The following NDST4 variants were observed in gnomAD, a reference collection of about 807,000 sequenced individuals.
The protein encoded by NDST4 is N-heparan sulfate sulfotransferase 4.
A neutral mutation model predicts 100.8 loss-of-function variants in NDST4; 63 were observed. The observed-to-expected ratio is 0.62, with a 90% confidence interval of 0.51 to 0.77. The LOEUF is 0.77. Among genes scored for constraint, NDST4 ranks in the 30% least tolerant of loss-of-function variants. The probability of loss-of-function intolerance (pLI) is 0.00; values close to 1 mark genes in which losing one functional copy is unlikely to be tolerated. For missense variants in NDST4, 943 were observed against 1,018.4 expected (o/e 0.93, Z 1.01); for synonymous variants, 377 against 361.8 (o/e 1.04, Z -0.48).
intron 4 of NDST4, among the ~76,000 whole-genome samples, chr4:114,940,017 A>T (rs1305615722): frequency 6.6e-6 from 1 of 152,228 alleles, no homozygotes; most frequent in African/African-American, 2.4e-5. Context: ...CTAGAAAATC[A>T]ACCAAGCATC....
intron 4 of NDST4, among the ~76,000 whole-genome samples, chr4:114,939,766 TGGGGGCCCA>T (rs1486826725): frequency 6.6e-6 from 1 of 152,114 alleles, no homozygotes; most frequent in Non-Finnish European, 1.5e-5. Context: ...TATTGATTTC[TGGGGGCCCA>T]GTGTTATACT....
At chr4:114,969,857 C>T (rs947309186) in intron 4 of NDST4, among the ~76,000 whole-genome samples, 3 of 152,130 alleles carry the variant, frequency 2.0e-5, no homozygotes, top group Non-Finnish European at 4.4e-5. Flanking sequence ...TCAAATGGTA[C>T]TTCTGTTTTA....
chr4:115,099,166 CTA>C (rs1327778071), intron 1 of NDST4, among the ~76,000 whole-genome samples: 1 of 152,112 alleles, frequency 6.6e-6, no homozygotes. Flanking sequence ...GAATTTTAGA[CTA>C]TTTGTAGATA....
At chr4:115,102,216 C>G (rs1052507151) in intron 1 of NDST4, among the ~76,000 whole-genome samples, 1 of 152,046 alleles carries the variant, frequency 6.6e-6, no homozygotes, top group African/African-American at 2.4e-5. Flanking sequence ...CCTCAGAAGA[C>G]AATCATGGAA....
chr4:115,076,830 T>C lies in NDST4; in HGVS notation c.207A>G (p.Lys69=), dbSNP rs767958129. 1 of 1,613,824 alleles carries C rather than the reference T, an allele frequency of 6.2e-7. No homozygotes were observed. Among genetic ancestry groups the C allele is most frequent in the Non-Finnish European group, 8.5e-7 (1 of 1,179,892 alleles). Residue 69 remains lysine, a synonymous_variant, in exon 2 of 14, where the codon AAA becomes AAG. Coordinates refer to ENST00000264363, the MANE Select transcript of NDST4 (RefSeq NM_022569.3). ...GGTCCGTTTTGGATGTGTCAATAGG[T>C]TTAACTGTTTTCAGCTCCATTGACC... is the stretch of plus-strand genomic sequence containing the variant. ...PYRSMELKTV[K]PIDTSKTDPT... is the part of the protein sequence containing the mutation.
chr4:114,903,058 C>T (rs950354899), intron 6 of NDST4, among the ~76,000 whole-genome samples: 3 of 152,036 alleles, frequency 2.0e-5, no homozygotes, highest in African/African-American at 7.2e-5. Flanking sequence ...TCTGAAATTT[C>T]CACATCCCTG....
intron 1 of NDST4, among the ~76,000 whole-genome samples, chr4:115,085,458 C>T (rs1294547292): frequency 6.6e-6 from 1 of 152,056 alleles, no homozygotes; most frequent in Non-Finnish European, 1.5e-5. Context: ...TATGGTTTGG[C>T]TCTGTGTTCC....
chr4:114,876,086 G>C (rs1307312289), intron 6 of NDST4, among the ~76,000 whole-genome samples: 1 of 152,114 alleles, frequency 6.6e-6, no homozygotes, highest in Non-Finnish European at 1.5e-5. Context: ...GGAAAAAAAT[G>C]CACAATCACA....
chr4:114,983,099 C>T (rs182782455), intron 2 of NDST4, among the ~76,000 whole-genome samples: 3 of 152,306 alleles, frequency 2.0e-5, no homozygotes, highest in Admixed American at 2.0e-4. Context: ...CAGGCAAAAT[C>T]TGCTGCAGGA....
rs182615594 is a variant in NDST4, at chr4:114,945,061, T to C, written c.1222-7558A>G. 8.2e-4 allele frequency among the ~76,000 whole-genome samples: 124 copies of C among 151,754 alleles called. 3 individuals carry two copies. In the South Asian group the frequency reaches 8.5e-3, roughly 10 times the overall value. On this transcript the variant is annotated intron_variant, in intron 4 of 13. Coordinates refer to ENST00000264363, the MANE Select transcript of NDST4 (RefSeq NM_022569.3). ...CCTGTCTCTACTAAAAATACAAAAT[T>C]AGCTGGCTGTGGTGGCACATGCCTG...
intron 2 of NDST4, among the ~76,000 whole-genome samples, chr4:115,001,056 C>T (rs1053949765): frequency 6.6e-6 from 1 of 152,074 alleles, no homozygotes; most frequent in Non-Finnish European, 1.5e-5. Context: ...CCCTCAAAGA[C>T]CTCAACTTCT....
At chr4:115,064,057 G>A (rs948216638) in intron 2 of NDST4, among the ~76,000 whole-genome samples, 2 of 151,886 alleles carry the variant, frequency 1.3e-5, no homozygotes, top group African/African-American at 2.4e-5. Flanking sequence ...CTTGTTTTGA[G>A]TATTAATAAA....
chr4:114,934,555 A>G (rs1002255027), intron 6 of NDST4, among the ~76,000 whole-genome samples: 4 of 87,206 alleles, frequency 4.6e-5, no homozygotes, highest in African/African-American at 2.7e-4. Context: ...CTGCCTCTCA[A>G]AAAAAAAAAA....
chr4:115,066,511 T>A (rs1355070954), intron 2 of NDST4, among the ~76,000 whole-genome samples: 1 of 152,180 alleles, frequency 6.6e-6, no homozygotes, highest in African/African-American at 2.4e-5. Flanking sequence ...TTTGAGGTTC[T>A]CTGAGGTCAC....
At chr4:114,905,889 T>A (rs1200530746) in intron 6 of NDST4, among the ~76,000 whole-genome samples, 1 of 151,816 alleles carries the variant, frequency 6.6e-6, no homozygotes, top group Non-Finnish European at 1.5e-5. Context: ...GGTAACTGAA[T>A]TTTTTTTGCT....
At chr4:114,851,026 G>A (rs906513411) in intron 8 of NDST4, among the ~76,000 whole-genome samples, 2 of 152,172 alleles carry the variant, frequency 1.3e-5, no homozygotes, top group Non-Finnish European at 2.9e-5. Flanking sequence ...CAATGGCAAA[G>A]TGAAATATCA....
chr4:115,113,210 T>A (rs185257377), intron 1 of NDST4, among the ~76,000 whole-genome samples: 238 of 152,088 alleles, frequency 1.6e-3, no homozygotes, highest in African/African-American at 5.4e-3. Context: ...TCTTTTTTTT[T>A]ATGTACGACT....
At position 114,860,916 on chromosome 4, in the gene NDST4, T is replaced by C. The variant is rs188233696; in HGVS notation, c.1720-8095A>G. Among the ~76,000 whole-genome samples the C allele has an allele frequency of 3.6e-3, 542 of 152,300 alleles. 3 individuals are homozygous for C. The highest frequency in any genetic ancestry group is 0.013 in the African/African-American group (526 of 41,576). ...CAAGGAAAGCAACTGGTATGCTTAG[T>C]GATATAGTTGATTTCTACTCTGGCA... On this transcript the variant is annotated intron_variant, in intron 7 of 13. Transcript: ENST00000264363.
chr4:114,980,868 C>T (rs1726753663), intron 2 of NDST4, among the ~76,000 whole-genome samples: 1 of 151,976 alleles, frequency 6.6e-6, no homozygotes, highest in African/African-American at 2.4e-5. Flanking sequence ...TTTTAATAAA[C>T]ATAACTTCCA....
Sources: allele counts gnomAD v4.1 joint callset (sites outside exome capture counted in the v4.1 genomes callset), GRCh38; gene constraint gnomAD v4.1.1; transcripts MANE v1.5; gene names NCBI Gene and HGNC (gene_info 2026-07-23, HGNC 2026-07-21).